The following CCDC92B variants were observed in gnomAD, a reference collection of about 807,000 sequenced individuals.
CCDC92B encodes coiled-coil domain-containing 92B.
In CCDC92B, 2 loss-of-function variants were observed where a neutral mutation model predicts 5.6. The observed-to-expected ratio is 0.36, with a 90% confidence interval of 0.15 to 1.12. The LOEUF is 1.12. CCDC92B is among the 50% of genes most tolerant of loss of function. The pLI, the probability that CCDC92B is intolerant of heterozygous loss-of-function variation, is 0.40. For missense variants in CCDC92B, 271 were observed against 262.2 expected, an observed-to-expected ratio of 1.03 and a Z score of -0.23; for synonymous variants, 115 against 122.3, an observed-to-expected ratio of 0.94 and a Z score of 0.39.
chr17:2,742,835 G>A (rs796872069), intron 1 of CCDC92B, among the ~76,000 whole-genome samples: 2 of 152,208 alleles, frequency 1.3e-5, no homozygotes, highest in African/African-American at 2.4e-5. Context: ...ACCACTGTTC[G>A]CCATCTTGAT....
At chr17:2,745,957 C>T (rs1363227742) in intron 1 of CCDC92B, among the ~76,000 whole-genome samples, 2 of 152,106 alleles carry the variant, frequency 1.3e-5, no homozygotes, top group Non-Finnish European at 2.9e-5. Context: ...TTAATTTTCT[C>T]TTCCCCTTGT....
At chr17:2,738,958 C>T (rs2070888449) in intron 1 of CCDC92B, among the ~76,000 whole-genome samples, 1 of 151,632 alleles carries the variant, frequency 6.6e-6, no homozygotes, top group African/African-American at 2.4e-5. Flanking sequence ...GAAGTCCCAG[C>T]TACTCGGGAG....
intron 1 of CCDC92B, among the ~76,000 whole-genome samples, chr17:2,740,956 AC>A (rs2070919193): frequency 8.0e-6 from 1 of 124,794 alleles, no homozygotes; most frequent in Non-Finnish European, 1.6e-5. Flanking sequence ...ACAGACAAAG[AC>A]CCTGTCTCAA....
intron 2 of CCDC92B, among the ~76,000 whole-genome samples, chr17:2,734,375 T>C (rs1251863545): frequency 6.6e-6 from 1 of 152,062 alleles, no homozygotes; most frequent in Non-Finnish European, 1.5e-5. Flanking sequence ...TACCACCAGT[T>C]GGCCTGTGTG....
At chr17:2,730,419 C>T in intron 3 of CCDC92B, 27 bp downstream of exon 3, 2 of 984,922 alleles carry the variant, frequency 2.0e-6, no homozygotes, top group Non-Finnish European at 2.4e-6. Context: ...CCCCATGACG[C>T]TTCCCCACCA....
chr17:2,732,666 G>T (rs1486627519), intron 2 of CCDC92B, among the ~76,000 whole-genome samples: 1 of 151,848 alleles, frequency 6.6e-6, no homozygotes, highest in African/African-American at 2.4e-5. Context: ...TCAGTGAGCT[G>T]AGATCGTGCC....
chr17:2,741,671 C>T (rs1302548377), intron 1 of CCDC92B, among the ~76,000 whole-genome samples: 14 of 146,380 alleles, frequency 9.6e-5, no homozygotes, highest in Admixed American at 6.9e-4. Context: ...CGGCTCACTG[C>T]AAGCTCTGCC....
rs1212845727 is a variant in CCDC92B at position 2,724,707 on chromosome 17, G to A, written c.472C>T (p.Pro158Ser). The A allele has an allele frequency of 5.1e-6, 5 of 982,880 alleles. No individual in the cohort carries two copies. The highest frequency in any genetic ancestry group is 6.3e-5 in the Admixed American group (1 of 16,000). The allele number at this position is 982,880 out of a possible 1,614,324, so 60.9% of individuals were successfully genotyped here. The change falls in exon 4 of 4, where the codon CCC becomes TCC. Residue 158 changes from proline to serine, a missense_variant. Coordinates refer to ENST00000614400, the MANE Select transcript of CCDC92B (RefSeq NM_001355573.2). The surrounding 1 kb of genome is among the most constrained non-coding windows in gnomAD (Gnocchi z 5.0). ...RQRLQAPRPG[P>S]GATAEPRPRR... ...GGCCTGGGCTCGGCGGTGGCGCCGG[G>A]GCCCGGGCGCGGGGCCTGCAGTCTC...
intron 1 of CCDC92B, among the ~76,000 whole-genome samples, chr17:2,739,365 CAAAAT>C (rs2070898631): frequency 6.6e-6 from 1 of 150,636 alleles, no homozygotes; most frequent in Non-Finnish European, 1.5e-5. Flanking sequence ...GACTCCATCT[CAAAAT>C]AAATAAATAA....
intron 1 of CCDC92B, among the ~76,000 whole-genome samples, chr17:2,743,470 C>T (rs2070947904): frequency 1.3e-5 from 2 of 152,114 alleles, no homozygotes; most frequent in South Asian, 2.1e-4. Flanking sequence ...GATCATGTCT[C>T]CCCAAACCCC....
chr17:2,744,871 G>A (rs1293206985), intron 1 of CCDC92B, among the ~76,000 whole-genome samples: 1 of 151,820 alleles, frequency 6.6e-6, no homozygotes. Context: ...GACCAGCCTG[G>A]AAAACATGGT....
rs372427255 is a variant in CCDC92B at position 2,734,731 on chromosome 17, G to A, written c.130+285C>T. 7.3e-5 allele frequency among the ~76,000 whole-genome samples: 11 copies of A among 151,644 alleles called. No homozygotes were observed. The East Asian group carries it at 1.8e-3, about 24-fold the overall frequency. ...TCTTGATCTCCTGACCTCGTGATCCGCCCGCCTCGGCCTCCCAAAGTGCTG... is the reference window on the plus strand; with the variant it reads ...TCTTGATCTCCTGACCTCGTGATCCACCCGCCTCGGCCTCCCAAAGTGCTG... On this transcript the variant is annotated intron_variant, in intron 2 of 3. Transcript: ENST00000614400.
intron 2 of CCDC92B, among the ~76,000 whole-genome samples, chr17:2,733,761 T>C (rs1419894425): frequency 7.3e-6 from 1 of 136,324 alleles, no homozygotes; most frequent in African/African-American, 2.8e-5. Flanking sequence ...TTTTTTTTTT[T>C]TTTTTTTTTT....
intron 1 of CCDC92B, among the ~76,000 whole-genome samples, chr17:2,738,825 C>G (rs1458158635): frequency 6.6e-6 from 1 of 151,346 alleles, no homozygotes; most frequent in African/African-American, 2.4e-5. Flanking sequence ...AATCCCAGCA[C>G]TTTGGGAGGC....
chr17:2,740,200 A>G (rs986407978), intron 1 of CCDC92B, among the ~76,000 whole-genome samples: 8 of 152,048 alleles, frequency 5.3e-5, no homozygotes, highest in African/African-American at 1.9e-4. Context: ...TCTGGTATGC[A>G]GCTGCTCTGC....
In CCDC92B at chr17:2,724,807, G is replaced by A; in HGVS notation, c.372C>T (p.Thr124=). 1 of 984,734 alleles carries A rather than the reference G, an allele frequency of 1.0e-6. No individual in the cohort carries two copies. The highest frequency in any genetic ancestry group is 1.2e-6 in the Non-Finnish European group (1 of 829,750). The allele number at this position is 984,734 out of a possible 1,614,324, so 61.0% of individuals were successfully genotyped here. A position where few individuals can be genotyped will look rare whatever the true frequency, so the allele number is the denominator to read the frequency against. ...EELRRRSHRA[T]VLGTELQKHT... is the part of the protein sequence containing the mutation. ...GCTTCTGCAGCTCGGTGCCCAGCACGGTGGCGCGGTGGCTGCGGCGGCGCA... is the reference window on the plus strand; with the variant it reads ...GCTTCTGCAGCTCGGTGCCCAGCACAGTGGCGCGGTGGCTGCGGCGGCGCA... Residue 124 remains threonine (T), a synonymous_variant, in exon 4 of 4, where the codon ACC becomes ACT. Transcript: ENST00000614400. This position sits in a 1 kb window ranked among gnomAD's most constrained non-coding sequence, Gnocchi z 5.0.
chr17:2,730,382 G>A, intron 3 of CCDC92B, 64 bp downstream of exon 3: 2 of 925,202 alleles, frequency 2.2e-6, no homozygotes, highest in Non-Finnish European at 1.3e-6. Context: ...GTCCTGCAAA[G>A]GGCTGGGAAA....
intron 3 of CCDC92B, among the ~76,000 whole-genome samples, chr17:2,725,689 G>T (rs571112549): frequency 7.2e-4 from 109 of 152,136 alleles, no homozygotes; most frequent in African/African-American, 2.5e-3. Context: ...CATAGTGGGA[G>T]AGACATAGTA....
intron 1 of CCDC92B, among the ~76,000 whole-genome samples, chr17:2,737,465 CTTTTTTTTT>C (rs34254249): frequency 8.3e-5 from 5 of 60,350 alleles, no homozygotes; most frequent in Middle Eastern, 0.011. Flanking sequence ...ATAGGCCTTT[CTTTTTTTTT>C]TTTTTTTTTT....
Sources: gnomAD v4.1 joint callset for allele counts (sites outside exome capture counted in the v4.1 genomes callset) on GRCh38, gnomAD v4.1.1 for gene constraint, Gnocchi (gnomAD v3.1) non-coding constraint, MANE v1.5 for transcripts, NCBI Gene and HGNC (gene_info 2026-07-23, HGNC 2026-07-21) for gene names.